MED16: variants seen among roughly 807,000 people sequenced by gnomAD.
The protein encoded by MED16 is mediator complex subunit 16.
In MED16, 81 loss-of-function variants were observed where a neutral mutation model predicts 84.4. That is an observed-to-expected ratio of 0.96 (90% CI 0.80 to 1.15). The LOEUF (loss-of-function observed/expected upper bound fraction) is 1.15, where lower values mean the gene tolerates loss of function less well. Among genes scored for constraint, MED16 ranks in the 50% most tolerant of loss-of-function variants. The pLI is 0.00. For synonymous variants in MED16, 897 were observed against 552.2 expected (o/e 1.62, Z -8.76); for missense variants, 1,585 against 1,245.9 (o/e 1.27, Z -4.10).
intron 8 of MED16, 58 bp from the exon 9 acceptor site, chr19:877,238 G>C (rs961447501): frequency 6.4e-5 from 97 of 1,526,840 alleles, no homozygotes; most frequent in Non-Finnish European, 8.2e-5. Context: ...CCTCAGCCGG[G>C]AGAGGAATGG....
chr19:872,868 T>G, intron 11 of MED16: 1 of 769,906 alleles, frequency 1.3e-6, no homozygotes. Flanking sequence ...GAGGCGGGGC[T>G]TTGAGAATGG....
chr19:883,158 G>A (rs1213187269), intron 6 of MED16, among the ~76,000 whole-genome samples: 3 of 152,254 alleles, frequency 2.0e-5, no homozygotes, highest in Non-Finnish European at 2.9e-5. Flanking sequence ...GGGGACTTGA[G>A]GCAGGGAGAA....
rs940309097 is a variant in MED16, at chr19:871,555, C to T, written c.2099-302G>A. ...ACTGGGATGTAAGAATGACACAGCT[C>T]ACCCTCCTCACATACACACAACCCG... On this transcript the variant is annotated intron_variant, in intron 12 of 15. Coordinates refer to ENST00000325464, the MANE Select transcript of MED16 (RefSeq NM_005481.3). 6.9e-6 allele frequency: 11 copies of T among 1,589,886 alleles called. 1 individual carries two copies. Among genetic ancestry groups the T allele is most frequent in the South Asian group, 3.3e-5 (3 of 89,814 alleles).
chr19:868,820 A>C, intron 14 of MED16, 43 bp downstream of exon 14: 1 of 1,532,362 alleles, frequency 6.5e-7, no homozygotes, highest in Non-Finnish European at 8.8e-7. Context: ...AGCCATCCCC[A>C]GCGGCACATC....
intron 11 of MED16, chr19:873,053 G>A: frequency 4.8e-6 from 1 of 207,392 alleles, no homozygotes; most frequent in South Asian, 1.0e-4. Flanking sequence ...GGGCTCCGAG[G>A]TGGGGCAGGG....
chr19:892,908 G>A (rs1177814862), intron 1 of MED16, 178 bp downstream of exon 1: 1 of 116,440 alleles, frequency 8.6e-6, no homozygotes, highest in African/African-American at 3.6e-5. Context: ...CCCGCGCCCC[G>A]CGCCCCGCGC....
At chr19:870,023 G>A (rs1030894094) in intron 13 of MED16, among the ~76,000 whole-genome samples, 2 of 152,208 alleles carry the variant, frequency 1.3e-5, no homozygotes, top group Non-Finnish European at 2.9e-5. Flanking sequence ...CAGCACACTT[G>A]GGTTGCCCAA....
At position 891,153 on chromosome 19, in the gene MED16, C is replaced by A. The variant is rs184541209; in HGVS notation, c.-18-4G>T. On this transcript the variant is annotated splice_polypyrimidine_tract_variant and splice_region_variant and intron_variant, in intron 1 of 15. Transcript: ENST00000325464. ...ACATGAGGGCAGTCACCAGCTCCTG[C>A]GGGAGGGAGGTGTGGTGGGACGTCT... is the stretch of plus-strand genomic sequence containing the variant. The A allele has an allele frequency of 2.5e-6, 4 of 1,602,158 alleles. No homozygotes were observed. The highest frequency in any genetic ancestry group is 2.6e-6 in the Non-Finnish European group (3 of 1,173,122).
intron 6 of MED16, among the ~76,000 whole-genome samples, chr19:883,196 C>T (rs967035075): frequency 2.0e-5 from 3 of 152,116 alleles, no homozygotes; most frequent in Non-Finnish European, 4.4e-5. Flanking sequence ...GGATGTGGGG[C>T]AGTGGGTGAA....
chr19:888,857 G>T (rs1265429858), intron 4 of MED16, among the ~76,000 whole-genome samples: 1 of 152,160 alleles, frequency 6.6e-6, no homozygotes, highest in Non-Finnish European at 1.5e-5. Context: ...ATCCCTCCAG[G>T]AAGGCCTCCT....
At position 881,849 on chromosome 19, in the gene MED16, C is replaced by T. The variant is rs751883484; in HGVS notation, c.986-135G>A. 246 of 1,080,720 alleles carry T rather than the reference C, an allele frequency of 2.3e-4. 1 individual carries two copies. Among genetic ancestry groups the T allele is most frequent in the Non-Finnish European group, 3.1e-4 (237 of 759,050 alleles). 66.9% of individuals were successfully genotyped at this position (1,080,720 alleles called of 1,614,324 possible). On this transcript the variant is annotated intron_variant, in intron 6 of 15. Transcript: ENST00000325464. Reference sequence around the variant, plus strand: ...GGTCTCATGCCGCCCTGCTCCCATGCCCAGAAGACCAGGCCCGGCCAATCC... The same window carrying T: ...GGTCTCATGCCGCCCTGCTCCCATGTCCAGAAGACCAGGCCCGGCCAATCC...
chr19:870,837 G>A (rs963367275), intron 13 of MED16, among the ~76,000 whole-genome samples, 200 bp downstream of exon 13: 1 of 138,544 alleles, frequency 7.2e-6, no homozygotes, highest in African/African-American at 2.7e-5. Context: ...GATTCGGGGG[G>A]TCCCGGGGCA....
Position 890,000 on chromosome 19 carries a change from A to C in MED16, c.277+137T>G, listed in dbSNP as rs1484017617. 8.3e-6 allele frequency: 7 copies of C among 838,758 alleles called. No homozygotes were observed. The East Asian group carries it at 1.9e-4, about 22-fold the overall frequency. 52.0% of individuals were successfully genotyped at this position (838,758 alleles called of 1,614,324 possible). ...ACAAGAATGATTCGGGCCACTATGG[A>C]AAGAGCAGCAGGTGCAAAGCTGCAG... On this transcript the variant is annotated intron_variant, in intron 3 of 15. Coordinates refer to ENST00000325464, the MANE Select transcript of MED16 (RefSeq NM_005481.3).
At chr19:869,142 C>T (rs2035987656) in intron 13 of MED16, among the ~76,000 whole-genome samples, 196 bp from the exon 14 acceptor site, 1 of 152,100 alleles carries the variant, frequency 6.6e-6, no homozygotes, top group African/African-American at 2.4e-5. Context: ...GGGCGGGACC[C>T]CCCACACGGA....
In MED16 at chr19:885,928, A is replaced by C. The variant is rs1264222545; in HGVS notation, c.721T>G (p.Phe241Val). Residue 241 changes from phenylalanine (F) to valine (V), a missense_variant, in exon 5 of 16, where the codon TTC becomes GTC. By Grantham distance (50) the Phe-to-Val change is conservative. Coordinates refer to ENST00000325464, the MANE Select transcript of MED16 (RefSeq NM_005481.3). ...ACCACGCTCACGCACACCTTGTAGA[A>C]CTGCACGGGCGACGCGCTGCTGCCG... ...ADGSSASPVQ[F>V]YKVCVSVVSE... is the part of the protein sequence containing the mutation. The C allele has an allele frequency of 6.2e-7, 1 of 1,613,150 alleles. No individual in the cohort carries two copies. The highest frequency in any genetic ancestry group is 1.7e-5 in the Admixed American group (1 of 60,024).
At position 871,929 on chromosome 19, in the gene MED16, A is replaced by C. The variant is rs376157919; in HGVS notation, c.2095T>G (p.Cys699Gly). The change falls in exon 12 of 16, where the codon TGC becomes GGC. Residue 699 changes from cysteine (C) to glycine (G), a missense_variant. Physicochemically the swap from Cys to Gly is radical, Grantham distance 159 (BLOSUM62 -3). Transcript: ENST00000325464. Reference sequence around the variant, plus strand: ...GGGGCGGGCGGGGGTGCCTCACAGCAGATCCAGAGCTTGGTGAGCAGGCGG... The same window carrying C: ...GGGGCGGGCGGGGGTGCCTCACAGCCGATCCAGAGCTTGGTGAGCAGGCGG... ...LFRLLTKLWICCRDEGPASEP... is the reference protein window; with the variant it reads ...LFRLLTKLWIGCRDEGPASEP... 1 of 1,543,796 alleles carries C rather than the reference A, an allele frequency of 6.5e-7. No individual in the cohort carries two copies. The highest frequency in any genetic ancestry group is 8.7e-7 in the Non-Finnish European group (1 of 1,148,758).
At chr19:869,795 C>T (rs1222463608) in intron 13 of MED16, among the ~76,000 whole-genome samples, 2 of 152,226 alleles carry the variant, frequency 1.3e-5, no homozygotes, top group Non-Finnish European at 2.9e-5. Flanking sequence ...CAATCAGTGG[C>T]TCAGAGGGTT....
chr19:869,569 T>A (rs1568317081), intron 13 of MED16, among the ~76,000 whole-genome samples: 1 of 152,136 alleles, frequency 6.6e-6, no homozygotes, highest in Non-Finnish European at 1.5e-5. Flanking sequence ...TGTGACTCAT[T>A]AGGAGGCCCC....
rs1422472500 is a variant in MED16, at chr19:885,648, C to G, written c.879+122G>C. The G allele has an allele frequency of 2.5e-6, 3 of 1,187,062 alleles. No homozygotes were observed. In the East Asian group the frequency reaches 7.7e-5, roughly 30 times the overall value. The allele number at this position is 1,187,062 out of a possible 1,614,324, so 73.5% of individuals were successfully genotyped here. A position where few individuals can be genotyped will look rare whatever the true frequency, so the allele number is the denominator to read the frequency against. Reference sequence around the variant, plus strand: ...CTCCCCTGGAGCCCCCGGGAGGGACCGGCCCTGCCCACACCACGGTTTAGC... The same window carrying G: ...CTCCCCTGGAGCCCCCGGGAGGGACGGGCCCTGCCCACACCACGGTTTAGC... On this transcript the variant is annotated intron_variant, in intron 5 of 15. Coordinates refer to ENST00000325464, the MANE Select transcript of MED16 (RefSeq NM_005481.3).
Sources: gnomAD v4.1 joint callset for allele counts (sites outside exome capture counted in the v4.1 genomes callset) on GRCh38, gnomAD v4.1.1 for gene constraint, MANE v1.5 for transcripts, NCBI Gene and HGNC (gene_info 2026-07-23, HGNC 2026-07-21) for gene names.